The following ROBO2 variants were observed in gnomAD, a reference collection of about 807,000 sequenced individuals.
ROBO2 encodes roundabout guidance receptor 2.
In ROBO2, 53 loss-of-function variants were observed where a neutral mutation model predicts 160.8. That is an observed-to-expected ratio of 0.33 (90% CI 0.26 to 0.41). The LOEUF is 0.41. Among genes scored for constraint, ROBO2 ranks in the 10% least tolerant of loss-of-function variants. The probability of loss-of-function intolerance (pLI) is 1.00; values close to 1 mark genes in which losing one functional copy is unlikely to be tolerated. For synonymous variants in ROBO2, 664 were observed against 611.7 expected (o/e 1.09, Z -1.26); for missense variants, 1,577 against 1,722.4 (o/e 0.92, Z 1.49).
intron 2 of ROBO2, among the ~76,000 whole-genome samples, chr3:76,910,024 T>C (rs1358870277): frequency 6.6e-6 from 1 of 152,194 alleles, no homozygotes; most frequent in Non-Finnish European, 1.5e-5. Flanking sequence ...AGATCTAAAA[T>C]AATCATGGAA....
chr3:77,613,377 G>A (rs1295991816), intron 21 of ROBO2, among the ~76,000 whole-genome samples: 5 of 151,894 alleles, frequency 3.3e-5, no homozygotes, highest in African/African-American at 1.2e-4. Context: ...TTTTTCCAAG[G>A]TATGATATCC....
intron 2 of ROBO2, among the ~76,000 whole-genome samples, chr3:76,475,291 T>C (rs73115475): frequency 0.053 from 8,101 of 152,064 alleles, 332 homozygotes; most frequent in Non-Finnish European, 0.083. Context: ...TAGAACATGC[T>C]TGGACTGTTC....
intron 2 of ROBO2, among the ~76,000 whole-genome samples, chr3:76,841,839 C>G (rs1419226673): frequency 6.6e-6 from 1 of 152,158 alleles, no homozygotes; most frequent in East Asian, 1.9e-4. Context: ...TTGTGGCTGG[C>G]AGCTAGCTGA....
chr3:76,500,284 A>T (rs952311669), intron 2 of ROBO2, among the ~76,000 whole-genome samples: 3 of 152,072 alleles, frequency 2.0e-5, no homozygotes, highest in African/African-American at 7.2e-5. Context: ...ATACCTGGCT[A>T]ATTTGTGTAC....
chr3:76,149,420 G>C (rs1169254139), intron 2 of ROBO2, among the ~76,000 whole-genome samples: 2 of 152,012 alleles, frequency 1.3e-5, no homozygotes, highest in Non-Finnish European at 2.9e-5. Context: ...TTCCAGCTCT[G>C]GGCCTTTGCG....
At chr3:76,213,497 T>C (rs1703284669) in intron 2 of ROBO2, among the ~76,000 whole-genome samples, 1 of 152,158 alleles carries the variant, frequency 6.6e-6, no homozygotes, top group Admixed American at 6.5e-5. Context: ...CCATAGATAA[T>C]ATTCAATGAA....
intron 1 of ROBO2, among the ~76,000 whole-genome samples, chr3:77,054,096 A>G (rs567555560): frequency 6.4e-4 from 98 of 152,292 alleles, no homozygotes; most frequent in African/African-American, 2.1e-3. Flanking sequence ...TAGTACAAAG[A>G]GAGATTCTTT....
chr3:76,948,579 ATTTT>A (rs757654181), intron 2 of ROBO2, among the ~76,000 whole-genome samples: 5 of 93,648 alleles, frequency 5.3e-5, no homozygotes, highest in African/African-American at 2.2e-4. Flanking sequence ...TTATAATCTA[ATTTT>A]TTTTTTTTTT....
chr3:76,670,274 T>C (rs1277234444), intron 2 of ROBO2, among the ~76,000 whole-genome samples: 2 of 151,982 alleles, frequency 1.3e-5, no homozygotes, highest in Non-Finnish European at 2.9e-5. Flanking sequence ...ATTTCCCTGG[T>C]TTTAATAAGT....
At chr3:76,361,330 T>C (rs1465477154) in intron 2 of ROBO2, among the ~76,000 whole-genome samples, 2 of 152,080 alleles carry the variant, frequency 1.3e-5, no homozygotes, top group Admixed American at 1.3e-4. Flanking sequence ...TTTCATGATA[T>C]TTAGCACAAT....
At chr3:77,106,442 T>A (rs566939441) in intron 2 of ROBO2, among the ~76,000 whole-genome samples, 3 of 152,128 alleles carry the variant, frequency 2.0e-5, no homozygotes, top group African/African-American at 7.2e-5. Context: ...TTAGGAAATA[T>A]AATTTCGTGC....
chr3:77,328,065 A>C (rs200438893), intron 2 of ROBO2, among the ~76,000 whole-genome samples: 1 of 30,402 alleles, frequency 3.3e-5, no homozygotes. Context: ...CGTATCTCAA[A>C]AAAAAAAAAA....
chr3:77,268,554 A>T (rs2059283017), intron 2 of ROBO2, among the ~76,000 whole-genome samples: 1 of 152,074 alleles, frequency 6.6e-6, no homozygotes, highest in African/African-American at 2.4e-5. Flanking sequence ...TATTAACTTC[A>T]TTTTTTCCCA....
intron 2 of ROBO2, among the ~76,000 whole-genome samples, chr3:76,669,291 C>A (rs1170957597): frequency 1.3e-5 from 2 of 152,086 alleles, no homozygotes; most frequent in Non-Finnish European, 2.9e-5. Context: ...TGCTTCTACG[C>A]AAATGCATCT....
intron 2 of ROBO2, among the ~76,000 whole-genome samples, chr3:76,210,904 A>G (rs1703105933): frequency 6.6e-6 from 1 of 152,110 alleles, no homozygotes; most frequent in African/African-American, 2.4e-5. Flanking sequence ...GTTTTATAAT[A>G]CTTTTGCTTG....
chr3:76,118,218 C>G (rs2070561432), intron 2 of ROBO2, among the ~76,000 whole-genome samples: 1 of 152,104 alleles, frequency 6.6e-6, no homozygotes, highest in Middle Eastern at 3.2e-3. Context: ...TCTTCACTTT[C>G]TACTGACTAC....
intron 2 of ROBO2, among the ~76,000 whole-genome samples, chr3:76,252,328 T>G (rs1437155210): frequency 5.9e-5 from 9 of 152,088 alleles, no homozygotes; most frequent in African/African-American, 2.2e-4. Flanking sequence ...ATTGGTGCTA[T>G]TCAATGTATT....
At chr3:77,284,332 A>T (rs2060441505) in intron 2 of ROBO2, among the ~76,000 whole-genome samples, 1 of 152,184 alleles carries the variant, frequency 6.6e-6, no homozygotes, top group Admixed American at 6.5e-5. Context: ...CTCTCTGAGC[A>T]TTAGGTTCCT....
intron 1 of ROBO2, among the ~76,000 whole-genome samples, chr3:75,911,807 C>T (rs1946604400): frequency 6.6e-6 from 1 of 151,920 alleles, no homozygotes; most frequent in Non-Finnish European, 1.5e-5. Flanking sequence ...CCGCCCGTCT[C>T]GGCCTCCCAA....
Sources: allele counts gnomAD v4.1 joint callset (sites outside exome capture counted in the v4.1 genomes callset), GRCh38; gene constraint gnomAD v4.1.1; transcripts MANE v1.5; gene names NCBI Gene and HGNC (gene_info 2026-07-23, HGNC 2026-07-21).